CDH23: variants seen among roughly 807,000 people sequenced by gnomAD.
CDH23 encodes the protein cadherin-23.
Under a neutral mutation model 317.1 loss-of-function variants are expected in CDH23, and 189 were observed. The ratio of observed to expected loss-of-function variants is 0.60; its 90% CI spans 0.53 to 0.67. The LOEUF (loss-of-function observed/expected upper bound fraction) is 0.67. CDH23 is among the 30% of genes least tolerant of loss of function. The pLI, the probability that CDH23 is intolerant of heterozygous loss-of-function variation, is 0.00. For synonymous variants in CDH23, 1,839 were observed against 1,876.8 expected (o/e 0.98, Z 0.52); for missense variants, 4,401 against 4,592.4 (o/e 0.96, Z 1.20).
chr10:71,678,506 C>T (rs1864469087), intron 16 of CDH23, among the ~76,000 whole-genome samples: 1 of 152,196 alleles, frequency 6.6e-6, no homozygotes, highest in African/African-American at 2.4e-5. Flanking sequence ...CCAGAGCCTC[C>T]ATTTGGAACT....
At chr10:71,766,345 G>A (rs1455815738) in intron 38 of CDH23, among the ~76,000 whole-genome samples, 1 of 152,174 alleles carries the variant, frequency 6.6e-6, no homozygotes, top group African/African-American at 2.4e-5. Context: ...CTGCTGTCAA[G>A]ACCCAGGCCC....
intron 18 of CDH23, among the ~76,000 whole-genome samples, chr10:71,685,720 C>T (rs891899927): frequency 1.3e-5 from 2 of 152,218 alleles, no homozygotes; most frequent in Non-Finnish European, 2.9e-5. Context: ...AGTCTGGCAA[C>T]AAAGACAGGT....
rs1853690933 is a variant in CDH23 at position 71,507,210 on chromosome 10, G to A, written c.146-2872G>A. Among the ~76,000 whole-genome samples the A allele has an allele frequency of 2.0e-5, 3 of 152,190 alleles. 1 individual carries two copies. In the South Asian group the frequency reaches 6.2e-4, roughly 31 times the overall value. The stretch of plus-strand genomic sequence containing the variant: ...TCATTGTTGCACCTGGACAAGCAAG[G>A]CGCTTATGGGCCTCAGTTTCCCCAT... On this transcript the variant is annotated intron_variant, in intron 3 of 69. Transcript: ENST00000224721.
At chr10:71,461,930 G>A (rs1190566316) in intron 3 of CDH23, among the ~76,000 whole-genome samples, 3 of 111,098 alleles carry the variant, frequency 2.7e-5, no homozygotes, top group East Asian at 3.3e-4. Flanking sequence ...ACTTAGGACC[G>A]CTGCCCTGGC....
In CDH23 at chr10:71,645,903, G is replaced by A. The variant is rs370549448; in HGVS notation, c.1213G>A (p.Val405Ile). 6.4e-5 allele frequency: 103 copies of A among 1,613,450 alleles called. No homozygotes were observed. Among genetic ancestry groups the A allele is most frequent in the Middle Eastern group, 4.9e-4 (3 of 6,076 alleles). ...CCACTTCATCATCTCCCCGACCTCCGTCCAGGGGAAGGCGGACATTCGTAT... is the reference window on the plus strand; with the variant it reads ...CCACTTCATCATCTCCCCGACCTCCATCCAGGGGAAGGCGGACATTCGTAT... ...SHHFIISPTS[V>I]QGKADIRIRV... Residue 405 changes from valine to isoleucine, a missense_variant, in exon 13 of 70, where the codon GTC becomes ATC. Val to Ile is a conservative substitution (Grantham distance 29). Around this residue, in one of 3 missense-constraint regions of CDH23, gnomAD observed 3,068 missense variants for 3,203.3 expected, o/e 0.96. Coordinates refer to ENST00000224721, the MANE Select transcript of CDH23 (RefSeq NM_022124.6).
At position 71,760,733 on chromosome 10, in the gene CDH23, C is replaced by T. The variant is rs189086216; in HGVS notation, c.4846-16947C>T. ...AGGAGGAAGCAGAAGGGATGTGCAG[C>T]AGCAGAAAAGGAGGAGGACCGGGGG... is the stretch of plus-strand genomic sequence containing the variant. On this transcript the variant is annotated intron_variant, in intron 38 of 69. Transcript: ENST00000224721. The T allele has an allele frequency of 1.6e-4, 121 of 776,584 alleles. 2 individuals carry two copies. The East Asian group carries it at 2.9e-3, about 19-fold the overall frequency. 48.1% of individuals were successfully genotyped at this position (776,584 alleles called of 1,614,324 possible).
At position 71,707,085 on chromosome 10, in the gene CDH23, C is replaced by G. The variant is rs184774661; in HGVS notation, c.3106+36C>G. The G allele has an allele frequency of 3.4e-5, 54 of 1,579,316 alleles. No homozygotes were observed. The African/African-American group carries it at 5.0e-4, about 15-fold the overall frequency. ...GGCCTCCGCCCACCTGTGCAGGCCT[C>G]CTGGGGCCCTGCCTCCACCCCTCCC... On this transcript the variant is annotated intron_variant, in intron 26 of 69. Transcript: ENST00000224721.
At chr10:71,746,941 G>A (rs934904029) in intron 38 of CDH23, among the ~76,000 whole-genome samples, 8 of 152,200 alleles carry the variant, frequency 5.3e-5, no homozygotes, top group Non-Finnish European at 1.2e-4. Flanking sequence ...TGTCTTTAGA[G>A]CAGAGGCCCC....
In CDH23 at chr10:71,396,922, TCG is replaced by T; in HGVS notation, c.-399_-398del. 1 of 152,398 alleles carries T rather than the reference TCG, an allele frequency of 6.6e-6. No individual in the cohort carries two copies. Among genetic ancestry groups the T allele is most frequent in the Non-Finnish European group, 1.5e-5 (1 of 68,592 alleles). 9.4% of individuals were successfully genotyped at this position (152,398 alleles called of 1,614,324 possible). ...GGCGGGGGAAGCAAGGGAAAGTTGA[TCG>T]CGGACTTGAGCGGCGGCGGCGGCTC... On this transcript the variant is annotated 5_prime_UTR_variant, in exon 1 of 70. Coordinates refer to ENST00000224721, the MANE Select transcript of CDH23 (RefSeq NM_022124.6). The surrounding 1 kb of genome is among the most constrained non-coding windows in gnomAD (Gnocchi z 4.2).
At chr10:71,608,532 G>A (rs909695982) in intron 9 of CDH23, among the ~76,000 whole-genome samples, 4 of 152,146 alleles carry the variant, frequency 2.6e-5, no homozygotes, top group Admixed American at 6.5e-5. Flanking sequence ...CAAGTATGCC[G>A]CTGCCTCTTA....
intron 55 of CDH23, 119 bp downstream of exon 55, chr10:71,803,539 A>G (rs1229108104): frequency 3.4e-6 from 3 of 879,012 alleles, no homozygotes; most frequent in Non-Finnish European, 5.2e-6. Flanking sequence ...AAGTAGCTCC[A>G]GGAAAAAAAA....
chr10:71,528,500 C>T (rs937851720), intron 6 of CDH23, among the ~76,000 whole-genome samples: 4 of 152,244 alleles, frequency 2.6e-5, no homozygotes, highest in African/African-American at 9.6e-5. Flanking sequence ...GGCCTTGCAG[C>T]CGGCCTGCGG....
At chr10:71,774,841 G>A (rs1840781167) in intron 38 of CDH23, among the ~76,000 whole-genome samples, 1 of 152,234 alleles carries the variant, frequency 6.6e-6, no homozygotes, top group African/African-American at 2.4e-5. Flanking sequence ...TCAGGAACCA[G>A]GGTATCAGGA....
chr10:71,742,036 CA>C (rs1839750796), intron 38 of CDH23, 115 bp downstream of exon 38: 2 of 875,730 alleles, frequency 2.3e-6, no homozygotes, highest in Middle Eastern at 3.4e-4. Context: ...GAATCCTTGA[CA>C]ACTCCTTTAG....
At chr10:71,634,496 A>G (rs1484886968) in intron 11 of CDH23, among the ~76,000 whole-genome samples, 2 of 152,264 alleles carry the variant, frequency 1.3e-5, no homozygotes, top group African/African-American at 2.4e-5. Flanking sequence ...TGAGAATGGC[A>G]GACCTTGAAG....
intron 11 of CDH23, among the ~76,000 whole-genome samples, chr10:71,640,987 T>C (rs1423237650): frequency 6.6e-6 from 1 of 152,208 alleles, no homozygotes; most frequent in African/African-American, 2.4e-5. Flanking sequence ...TGCGGATGCC[T>C]ATGCTTCCAC....
At chr10:71,734,829 C>G (rs964162808) in intron 34 of CDH23, among the ~76,000 whole-genome samples, 171 bp downstream of exon 34, 3 of 152,238 alleles carry the variant, frequency 2.0e-5, no homozygotes, top group African/African-American at 7.2e-5. Context: ...TCAGGCCCCT[C>G]TGGGGCATGT....
intron 1 of CDH23, among the ~76,000 whole-genome samples, chr10:71,421,205 G>C (rs1209509896): frequency 6.6e-6 from 1 of 152,236 alleles, no homozygotes; most frequent in Non-Finnish European, 1.5e-5. Context: ...AGTGGGCCTT[G>C]GGTAATGCCC....
At chr10:71,596,440 C>A (rs1229863556) in intron 9 of CDH23, among the ~76,000 whole-genome samples, 1 of 152,164 alleles carries the variant, frequency 6.6e-6, no homozygotes, top group African/African-American at 2.4e-5. Context: ...GTCATGACAA[C>A]CCTGTCATGT....
Sources: gnomAD v4.1 joint callset for allele counts (sites outside exome capture counted in the v4.1 genomes callset) on GRCh38, gnomAD v4.1.1 for gene constraint, gnomAD v4.1.1 regional missense constraint, Gnocchi (gnomAD v3.1) non-coding constraint, MANE v1.5 for transcripts, NCBI Gene and HGNC (gene_info 2026-07-23, HGNC 2026-07-21) for gene names.